PHACTR2: variants seen among roughly 807,000 people sequenced by gnomAD.
PHACTR2 encodes the protein chromosome 6 open reading frame 56.
A neutral mutation model predicts 76.0 loss-of-function variants in PHACTR2; 30 were observed. The observed-to-expected ratio is 0.39, with a 90% confidence interval of 0.30 to 0.54. PHACTR2 has a LOEUF of 0.54. PHACTR2 is among the 20% of genes least tolerant of loss of function. PHACTR2 has a pLI of 0.61. For synonymous variants in PHACTR2, 292 were observed against 292.5 expected, an observed-to-expected ratio of 1.00 and a Z score of 0.02; for missense variants, 696 against 781.1, an observed-to-expected ratio of 0.89 and a Z score of 1.30.
At chr6:143,668,160 T>C (rs940316482) in intron 1 of PHACTR2, among the ~76,000 whole-genome samples, 4 of 152,244 alleles carry the variant, frequency 2.6e-5, no homozygotes, top group Admixed American at 2.6e-4. Context: ...TCGTTCTGTT[T>C]ATGTGATGGA....
chr6:143,684,428 A>G lies in PHACTR2; in HGVS notation c.46+6219A>G, dbSNP rs1221272708. ...TTCTTCCCAAATATATCTCAAGTCC[A>G]TGCTCTTCTGTCTGTCCCTACTGCC... On this transcript the variant is annotated intron_variant, in intron 1 of 12. Coordinates refer to ENST00000440869, the MANE Select transcript of PHACTR2 (RefSeq NM_001100164.2). This position sits in a 1 kb window ranked among gnomAD's most constrained non-coding sequence, Gnocchi z 4.3. Among the ~76,000 whole-genome samples the G allele has an allele frequency of 6.6e-6, 1 of 152,146 alleles. No individual in the cohort carries two copies. The highest frequency in any genetic ancestry group is 2.4e-5 in the African/African-American group (1 of 41,426).
At position 143,809,358 on chromosome 6, in the gene PHACTR2, TG is replaced by T. The variant is rs1776128445; in HGVS notation, c.1922+2226del. Among the ~76,000 whole-genome samples the T allele has an allele frequency of 6.6e-6, 1 of 152,072 alleles. No individual in the cohort carries two copies. Among genetic ancestry groups the T allele is most frequent in the Non-Finnish European group, 1.5e-5 (1 of 68,014 alleles). ...ATTTTGTTTTTGTGGGGGTATTTTT[TG>T]TTTTTTTGTTTGTTTGTTTGTTTGT... On this transcript the variant is annotated intron_variant, in intron 12 of 12. Coordinates refer to ENST00000440869, the MANE Select transcript of PHACTR2 (RefSeq NM_001100164.2). This position sits in a 1 kb window ranked among gnomAD's most constrained non-coding sequence, Gnocchi z 4.2.
rs1158892857 is a variant in PHACTR2 at position 143,580,654 on chromosome 6, CA to C, written c.217+43448del. On this transcript the variant is annotated intron_variant, in intron 1 of 11. Coordinates refer to the PHACTR2 transcript ENST00000367584. The surrounding 1 kb of genome is among the most constrained non-coding windows in gnomAD (Gnocchi z 4.2). ...TGCCACTGTACTCCAGCCTGGGTGA[CA>C]GAGCAAGACTCCGTCTCAAAAAATA... Among the ~76,000 whole-genome samples the C allele has an allele frequency of 6.6e-6, 1 of 152,106 alleles. No homozygotes were observed. Among genetic ancestry groups the C allele is most frequent in the Non-Finnish European group, 1.5e-5 (1 of 68,022 alleles).
chr6:143,563,968 C>T (rs1318535118), intron 1 of PHACTR2, among the ~76,000 whole-genome samples: 2 of 151,850 alleles, frequency 1.3e-5, no homozygotes, highest in Non-Finnish European at 2.9e-5. Context: ...CGTGTCACTG[C>T]ACTCTAGTCT....
chr6:143,776,964 C>T lies in PHACTR2; in HGVS notation c.1590-364C>T, dbSNP rs760647137. Among the ~76,000 whole-genome samples, 1 of 152,192 alleles carries T rather than the reference C, an allele frequency of 6.6e-6. No homozygotes were observed. The highest frequency in any genetic ancestry group is 1.5e-5 in the Non-Finnish European group (1 of 68,020). On this transcript the variant is annotated intron_variant, in intron 8 of 12. Coordinates refer to ENST00000440869, the MANE Select transcript of PHACTR2 (RefSeq NM_001100164.2). The surrounding 1 kb of genome is among the most constrained non-coding windows in gnomAD (Gnocchi z 5.3). Reference sequence around the variant, plus strand: ...AAAGAGAAAGAAGGGAGCATGCACCCAGGCATTTTAAGGATGAGAAGGGGA... The same window carrying T: ...AAAGAGAAAGAAGGGAGCATGCACCTAGGCATTTTAAGGATGAGAAGGGGA...
chr6:143,660,605 A>G (rs905843406), intron 1 of PHACTR2, among the ~76,000 whole-genome samples: 8 of 152,208 alleles, frequency 5.3e-5, no homozygotes, highest in African/African-American at 1.9e-4. Flanking sequence ...TGTATAAAAC[A>G]AATACCTACT....
In PHACTR2 at chr6:143,807,022, A is replaced by G; in HGVS notation, c.1846-35A>G. On this transcript the variant is annotated intron_variant, in intron 11 of 12. Coordinates refer to ENST00000440869, the MANE Select transcript of PHACTR2 (RefSeq NM_001100164.2). This position sits in a 1 kb window ranked among gnomAD's most constrained non-coding sequence, Gnocchi z 5.5. ...TACTGGGGCAATATATGACCTAAAT[A>G]ACAGTTCTGTTTATCTATTTTTTTT... 1 of 1,217,122 alleles carries G rather than the reference A, an allele frequency of 8.2e-7. No homozygotes were observed. The highest frequency in any genetic ancestry group is 2.1e-4 in the Middle Eastern group (1 of 4,860). 75.4% of individuals were successfully genotyped at this position (1,217,122 alleles called of 1,614,324 possible).
At chr6:143,746,895 A>C (rs1422938609) in intron 2 of PHACTR2, among the ~76,000 whole-genome samples, 2 of 152,002 alleles carry the variant, frequency 1.3e-5, no homozygotes, top group African/African-American at 4.8e-5. Flanking sequence ...ACTAACCTTT[A>C]AGTGAGCTGT....
chr6:143,799,437 G>A (rs187691603), intron 11 of PHACTR2, among the ~76,000 whole-genome samples: 1,561 of 152,238 alleles, frequency 0.01, 8 homozygotes, highest in Middle Eastern at 0.024. Context: ...GCTTTTGAAT[G>A]TGTTTGTTCT....
Position 143,623,347 on chromosome 6 carries a change from A to T in PHACTR2, c.13+15025A>T, listed in dbSNP as rs1003614879. Among the ~76,000 whole-genome samples the T allele has an allele frequency of 2.6e-5, 4 of 152,156 alleles. No homozygotes were observed. Among genetic ancestry groups the T allele is most frequent in the African/African-American group, 9.7e-5 (4 of 41,426 alleles). ...TAATACCCAAATGAAGGCCCAGGTG[A>T]GCAGATCACTTGAAGTCAGGAGTTC... On this transcript the variant is annotated intron_variant, in intron 1 of 11. Coordinates refer to the PHACTR2 transcript ENST00000305766. This position sits in a 1 kb window ranked among gnomAD's most constrained non-coding sequence, Gnocchi z 5.9.
At chr6:143,723,236 A>G (rs966346281) in intron 2 of PHACTR2, among the ~76,000 whole-genome samples, 7 of 152,222 alleles carry the variant, frequency 4.6e-5, no homozygotes, top group Non-Finnish European at 7.3e-5. Context: ...ATCTCTAGCC[A>G]GAAGAGAAGA....
intron 1 of PHACTR2, among the ~76,000 whole-genome samples, chr6:143,568,410 A>T (rs1775393723): frequency 6.6e-6 from 1 of 152,254 alleles, no homozygotes; most frequent in Non-Finnish European, 1.5e-5. Flanking sequence ...AGCTGTAGAA[A>T]CTAGGTAGTT....
In PHACTR2 at chr6:143,639,247, A is replaced by G. The variant is rs55698580; in HGVS notation, c.13+30925A>G. On this transcript the variant is annotated intron_variant, in intron 1 of 11. Coordinates refer to the PHACTR2 transcript ENST00000305766. The surrounding 1 kb of genome is among the most constrained non-coding windows in gnomAD (Gnocchi z 5.0). The stretch of plus-strand genomic sequence containing the variant: ...TACCTGAAGTACAGTCTGTCTTTCC[A>G]AAACAAATTAATGGTAAGATATACC... Among the ~76,000 whole-genome samples, 4,936 of 152,340 alleles carry G rather than the reference A, an allele frequency of 0.032. 263 individuals are homozygous for G. The highest frequency in any genetic ancestry group is 0.11 in the African/African-American group (4,668 of 41,554).
At chr6:143,594,984 A>C (rs1444962555) in intron 1 of PHACTR2, among the ~76,000 whole-genome samples, 1 of 152,250 alleles carries the variant, frequency 6.6e-6, no homozygotes, top group Non-Finnish European at 1.5e-5. Flanking sequence ...AGCTGAAGGA[A>C]GCTCTGAAAT....
At chr6:143,674,685 G>A (rs2128451519), upstream of PHACTR2, among the ~76,000 whole-genome samples, 1 of 152,188 alleles carries the variant, frequency 6.6e-6, no homozygotes, top group East Asian at 1.9e-4. The surrounding 1 kb of genome is among the most constrained non-coding windows in gnomAD (Gnocchi z 4.9). Flanking sequence ...CACACAGCTG[G>A]CAGCATCTGG....
At chr6:143,719,394 A>C (rs1582807913) in intron 2 of PHACTR2, among the ~76,000 whole-genome samples, 2 of 119,678 alleles carry the variant, frequency 1.7e-5, no homozygotes, top group Admixed American at 1.0e-4. Flanking sequence ...ACTCTCGCCC[A>C]GGCTGGAGTG....
chr6:143,702,858 A>G (rs979931320), intron 1 of PHACTR2, among the ~76,000 whole-genome samples: 1 of 137,724 alleles, frequency 7.3e-6, no homozygotes, highest in Non-Finnish European at 1.5e-5. Flanking sequence ...CTAATTTATC[A>G]TGGCTTCAGG....
Position 143,663,297 on chromosome 6 carries a change from T to G in PHACTR2, c.14-48719T>G, listed in dbSNP as rs1015516492. Among the ~76,000 whole-genome samples the G allele has an allele frequency of 6.6e-6, 1 of 152,228 alleles. No individual in the cohort carries two copies. Among genetic ancestry groups the G allele is most frequent in the Admixed American group, 6.5e-5 (1 of 15,284 alleles). Reference sequence around the variant, plus strand: ...TTCCAATTACATTTTTCATTCAAAGTTGCAGAGCACTCTCTCAACATGCTG... The same window carrying G: ...TTCCAATTACATTTTTCATTCAAAGGTGCAGAGCACTCTCTCAACATGCTG... On this transcript the variant is annotated intron_variant, in intron 1 of 11. Coordinates refer to the PHACTR2 transcript ENST00000305766. The surrounding 1 kb of genome is among the most constrained non-coding windows in gnomAD (Gnocchi z 4.1).
intron 1 of PHACTR2, among the ~76,000 whole-genome samples, chr6:143,545,710 A>G (rs1256809420): frequency 3.3e-5 from 5 of 152,190 alleles, no homozygotes; most frequent in South Asian, 2.1e-4. Flanking sequence ...ACCCTAGTAC[A>G]TATCTATCAC....
Sources: gnomAD v4.1 joint callset for allele counts (sites outside exome capture counted in the v4.1 genomes callset) on GRCh38, gnomAD v4.1.1 for gene constraint, Gnocchi (gnomAD v3.1) non-coding constraint, MANE v1.5 for transcripts, NCBI Gene and HGNC (gene_info 2026-07-23, HGNC 2026-07-21) for gene names.